Variants in ANXA2 observed in about 807,000 individuals in gnomAD.
The protein encoded by ANXA2 is annexin A2.
A neutral mutation model predicts 47.3 loss-of-function variants in ANXA2; 28 were observed. The observed-to-expected ratio is 0.59, with a 90% CI of 0.44 to 0.81. The LOEUF (loss-of-function observed/expected upper bound fraction) is 0.81, where lower values mean the gene tolerates loss of function less well. ANXA2 is among the 40% of genes least tolerant of loss of function. The pLI is 0.00. For missense variants in ANXA2, 384 were observed against 414.3 expected, an observed-to-expected ratio of 0.93 and a Z score of 0.64; for synonymous variants, 172 against 155.5, an observed-to-expected ratio of 1.11 and a Z score of -0.79.
chr15:60,347,357 T>C lies in ANXA2; in HGVS notation c.*273A>G, dbSNP rs1895763536. 1 of 481,650 alleles carries C rather than the reference T, an allele frequency of 2.1e-6. No individual in the cohort carries two copies. Among genetic ancestry groups the C allele is most frequent in the Admixed American group, 3.6e-5 (1 of 27,876 alleles). The allele number at this position is 481,650 out of a possible 1,614,324, so 29.8% of individuals were successfully genotyped here. A position where few individuals can be genotyped will look rare whatever the true frequency, so the allele number is the denominator to read the frequency against. On this transcript the variant is annotated 3_prime_UTR_variant, in exon 13 of 13. Transcript: ENST00000451270. Reference sequence around the variant, plus strand: ...TTTCTAAAGTACAAATTCAGTTTATTCATCTGTTTATGACACAGTACACAG... The same window carrying C: ...TTTCTAAAGTACAAATTCAGTTTATCCATCTGTTTATGACACAGTACACAG...
intron 3 of ANXA2, among the ~76,000 whole-genome samples, chr15:60,366,480 C>A (rs1414073754): frequency 3.6e-4 from 53 of 149,176 alleles, no homozygotes; most frequent in African/African-American, 1.3e-3. Context: ...ATGTGAGGAG[C>A]GCCTCTGCCC....
Position 60,357,187 on chromosome 15 carries a change from G to T in ANXA2, c.407C>A (p.Thr136Asn). Residue 136 changes from threonine (T) to asparagine (N), a missense_variant, in exon 6 of 13, where the codon ACC becomes AAC. Thr to Asn is a moderately conservative substitution (Grantham distance 65, BLOSUM62 0). Transcript: ENST00000451270. ...DSLIEIICSR[T>N]NQELQEINRV... ...GTTAATTTCCTGCAGCTCCTGGTTGGTTCTGGAGCAGATGATCTCAATGAG... is the reference window on the plus strand; with the variant it reads ...GTTAATTTCCTGCAGCTCCTGGTTGTTTCTGGAGCAGATGATCTCAATGAG... The T allele has an allele frequency of 6.2e-7, 1 of 1,614,170 alleles. No homozygotes were observed. Among genetic ancestry groups the T allele is most frequent in the Non-Finnish European group, 8.5e-7 (1 of 1,180,012 alleles).
intron 3 of ANXA2, among the ~76,000 whole-genome samples, chr15:60,380,084 T>G (rs1012975264): frequency 2.0e-5 from 3 of 152,240 alleles, no homozygotes; most frequent in African/African-American, 7.2e-5. Flanking sequence ...CACATCCAAA[T>G]AGTGAAATAG....
chr15:60,387,649 T>C (rs2062950981), intron 1 of ANXA2, among the ~76,000 whole-genome samples: 1 of 152,156 alleles, frequency 6.6e-6, no homozygotes, highest in Non-Finnish European at 1.5e-5. Flanking sequence ...ATTAAGGCAA[T>C]GAAATGATTC....
intron 1 of ANXA2, chr15:60,386,954 T>C (rs1205326046): frequency 6.6e-6 from 1 of 152,222 alleles, no homozygotes; most frequent in Non-Finnish European, 1.5e-5. Context: ...GAACGACATT[T>C]AAATTGCAGT....
Position 60,347,532 on chromosome 15 carries a change from G to A in ANXA2, c.*98C>T, listed in dbSNP as rs1237694634. 9 of 1,207,670 alleles carry A rather than the reference G, an allele frequency of 7.5e-6. No individual in the cohort carries two copies. The highest frequency in any genetic ancestry group is 1.1e-5 in the Non-Finnish European group (9 of 819,314). 74.8% of individuals were successfully genotyped at this position (1,207,670 alleles called of 1,614,324 possible). ...GTAATGCTAACGTCACCCTCACAGG[G>A]ATGGCCACGGGGACTGTTATTCGCA... On this transcript the variant is annotated 3_prime_UTR_variant, in exon 13 of 13. Coordinates refer to ENST00000451270, the MANE Select transcript of ANXA2 (RefSeq NM_004039.3).
chr15:60,390,209 T>A, intron 1 of ANXA2: 1 of 947,238 alleles, frequency 1.1e-6, no homozygotes, highest in South Asian at 4.3e-5. Flanking sequence ...AAAGTCACAC[T>A]TACCACAAAG....
intron 3 of ANXA2, among the ~76,000 whole-genome samples, chr15:60,377,463 T>G (rs930941776): frequency 6.6e-6 from 1 of 152,090 alleles, no homozygotes; most frequent in African/African-American, 2.4e-5. Flanking sequence ...CAGGCATACC[T>G]CGGAGATACT....
At position 60,347,613 on chromosome 15, in the gene ANXA2, T is replaced by A. The variant is rs2140751857; in HGVS notation, c.*17A>T. On this transcript the variant is annotated 3_prime_UTR_variant, in exon 13 of 13. Coordinates refer to ENST00000451270, the MANE Select transcript of ANXA2 (RefSeq NM_004039.3). Reference sequence around the variant, plus strand: ...CATGGTGAGCACCATTTCTGGACGCTCAGGCCGTGTCGGGCTTCAGTCATC... The same window carrying A: ...CATGGTGAGCACCATTTCTGGACGCACAGGCCGTGTCGGGCTTCAGTCATC... The A allele has an allele frequency of 6.2e-7, 1 of 1,614,006 alleles. No individual in the cohort carries two copies. The highest frequency in any genetic ancestry group is 8.5e-7 in the Non-Finnish European group (1 of 1,179,898).
intron 7 of ANXA2, among the ~76,000 whole-genome samples, chr15:60,354,605 G>C (rs1412946755): frequency 8.1e-6 from 1 of 122,788 alleles, no homozygotes; most frequent in African/African-American, 3.1e-5. Flanking sequence ...TGGTGACAGA[G>C]TGAGACTCTG....
intron 3 of ANXA2, among the ~76,000 whole-genome samples, chr15:60,371,674 C>T (rs2062712278): frequency 6.6e-6 from 1 of 152,270 alleles, no homozygotes; most frequent in African/African-American, 2.4e-5. Context: ...TGTCCAGATC[C>T]TCTCCTTACC....
chr15:60,357,078 C>T (rs564693100), intron 6 of ANXA2, 68 bp downstream of exon 6: 1 of 1,437,112 alleles, frequency 7.0e-7, no homozygotes, highest in African/African-American at 1.4e-5. Context: ...GAACCCTAAC[C>T]CCAGTGGCCA....
intron 1 of ANXA2, among the ~76,000 whole-genome samples, chr15:60,396,784 C>T (rs909623325): frequency 6.6e-5 from 10 of 152,208 alleles, no homozygotes; most frequent in African/African-American, 2.4e-4. Flanking sequence ...GTCTGGGGCC[C>T]AGGCCTTTGC....
intron 5 of ANXA2, 130 bp from the exon 6 acceptor site, chr15:60,357,366 T>C (rs903256297): frequency 2.3e-5 from 15 of 654,302 alleles, no homozygotes; most frequent in Non-Finnish European, 3.6e-5. Context: ...ACATTCCTTC[T>C]GAAGAATCTA....
intron 3 of ANXA2, among the ~76,000 whole-genome samples, chr15:60,375,221 C>T (rs187971867): frequency 2.0e-5 from 3 of 152,092 alleles, no homozygotes; most frequent in Admixed American, 6.5e-5. Context: ...TCTATACTTG[C>T]GCTTCTGAGA....
At chr15:60,393,042 T>G (rs1429038343) in intron 1 of ANXA2, 1 of 1,287,928 alleles carries the variant, frequency 7.8e-7, no homozygotes, top group Admixed American at 2.3e-5. Context: ...CAGAACCTTT[T>G]TGAAAGCAGA....
intron 3 of ANXA2, among the ~76,000 whole-genome samples, chr15:60,370,582 G>A (rs573952141): frequency 1.3e-3 from 194 of 152,274 alleles, no homozygotes; most frequent in Middle Eastern, 3.4e-3. Flanking sequence ...GGGTCATCCG[G>A]TTACTCACCA....
In ANXA2 at chr15:60,377,111, C is replaced by T. The variant is rs1267113127; in HGVS notation, c.148+5231G>A. ...CCAACTACTTAGTATTGTCTCTTCC[C>T]GATGAAGGGTTAGAGGTGGGAGTGG... On this transcript the variant is annotated intron_variant, in intron 3 of 12. Coordinates refer to ENST00000451270, the MANE Select transcript of ANXA2 (RefSeq NM_004039.3). Among the ~76,000 whole-genome samples, 3 of 152,232 alleles carry T rather than the reference C, an allele frequency of 2.0e-5. No homozygotes were observed. In the East Asian group the frequency reaches 5.8e-4, roughly 29 times the overall value.
chr15:60,349,644 C>T (rs993908388), intron 11 of ANXA2, among the ~76,000 whole-genome samples: 1 of 150,542 alleles, frequency 6.6e-6, no homozygotes, highest in African/African-American at 2.5e-5. Context: ...AAAATCACCA[C>T]GAAAGAACTT....
Sources: gnomAD v4.1 joint callset for allele counts (sites outside exome capture counted in the v4.1 genomes callset) on GRCh38, gnomAD v4.1.1 for gene constraint, MANE v1.5 for transcripts, NCBI Gene and HGNC (gene_info 2026-07-23, HGNC 2026-07-21) for gene names.